Variants in RFTN1 observed in about 807,000 individuals in gnomAD.
The protein encoded by RFTN1 is raftlin.
In RFTN1, 26 loss-of-function variants were observed where a neutral mutation model predicts 46.5. That is an observed-to-expected ratio of 0.56 (90% CI 0.41 to 0.78). The LOEUF is 0.78. Ranked by LOEUF, RFTN1 falls within the 30% of genes least tolerant of loss-of-function variation. The pLI is 0.00. For synonymous variants in RFTN1, 261 were observed against 284.2 expected, an observed-to-expected ratio of 0.92 and a Z score of 0.82; for missense variants, 693 against 718.7, an observed-to-expected ratio of 0.96 and a Z score of 0.41.
chr3:16,434,130 C>T (rs73043154), intron 2 of RFTN1, 93 bp from the exon 3 acceptor site: 25,381 of 1,067,318 alleles, frequency 0.024, 367 homozygotes, highest in South Asian at 0.028. Context: ...CGGGGAGGAT[C>T]CTCTAGGTCA....
At chr3:16,326,065 T>G (rs947494320) in intron 8 of RFTN1, among the ~76,000 whole-genome samples, 1 of 152,250 alleles carries the variant, frequency 6.6e-6, no homozygotes. Flanking sequence ...CTCAGTTTCC[T>G]CATCTGCAAA....
intron 2 of RFTN1, among the ~76,000 whole-genome samples, chr3:16,467,897 G>T (rs573408128): frequency 3.3e-5 from 5 of 152,170 alleles, no homozygotes; most frequent in Admixed American, 3.3e-4. Context: ...CACCCCACTC[G>T]TGCATTTTGG....
rs1470489011 is a variant in RFTN1 at position 16,344,197 on chromosome 3, T to C, written c.1146+13735A>G. Among the ~76,000 whole-genome samples, 2 of 152,246 alleles carry C rather than the reference T, an allele frequency of 1.3e-5. No homozygotes were observed. The highest frequency in any genetic ancestry group is 4.8e-5 in the African/African-American group (2 of 41,476). ...AATACAATTTGTTGATACTTAAATG[T>C]ATTCCTATTACATTTTATTGGGCTG... On this transcript the variant is annotated intron_variant, in intron 7 of 9. Transcript: ENST00000334133. The surrounding 1 kb of genome is among the most constrained non-coding windows in gnomAD (Gnocchi z 4.4).
Position 16,481,819 on chromosome 3 carries a change from A to G in RFTN1, c.145+11906T>C, listed in dbSNP as rs1252604158. Reference sequence around the variant, plus strand: ...CAAGGAGCGATTTTCTAGGAAAGAAAAATGTTTCCCTACCCTACCGCATAT... The same window carrying G: ...CAAGGAGCGATTTTCTAGGAAAGAAGAATGTTTCCCTACCCTACCGCATAT... On this transcript the variant is annotated intron_variant, in intron 2 of 9. Coordinates refer to ENST00000334133, the MANE Select transcript of RFTN1 (RefSeq NM_015150.2). The surrounding 1 kb of genome is among the most constrained non-coding windows in gnomAD (Gnocchi z 5.1). 6.6e-6 allele frequency among the ~76,000 whole-genome samples: 1 copy of G among 152,110 alleles called. No individual in the cohort carries two copies. The highest frequency in any genetic ancestry group is 1.5e-5 in the Non-Finnish European group (1 of 68,016).
chr3:16,475,598 C>T lies in RFTN1; in HGVS notation c.145+18127G>A, dbSNP rs1437524326. 6.6e-6 allele frequency among the ~76,000 whole-genome samples: 1 copy of T among 152,192 alleles called. No individual in the cohort carries two copies. Among genetic ancestry groups the T allele is most frequent in the African/African-American group, 2.4e-5 (1 of 41,442 alleles). On this transcript the variant is annotated intron_variant, in intron 2 of 9. Coordinates refer to ENST00000334133, the MANE Select transcript of RFTN1 (RefSeq NM_015150.2). The surrounding 1 kb of genome is among the most constrained non-coding windows in gnomAD (Gnocchi z 4.2). ...TACAACAGGGGCAGAGAAGAGTATG[C>T]CTGGCACCTGGAGAGTCTCTAGAGT...
At position 16,456,803 on chromosome 3, in the gene RFTN1, G is replaced by A. The variant is rs146350997; in HGVS notation, c.146-22766C>T. Among the ~76,000 whole-genome samples, 358 of 152,230 alleles carry A rather than the reference G, an allele frequency of 2.4e-3. 4 individuals are homozygous for A. In the Middle Eastern group the frequency reaches 0.024, roughly 10 times the overall value. On this transcript the variant is annotated intron_variant, in intron 2 of 9. Coordinates refer to ENST00000334133, the MANE Select transcript of RFTN1 (RefSeq NM_015150.2). ...GTCAAAGAATAAGAGTGGAAAAGGC[G>A]AACAAAGGTCTTAGTATCATTTTGA... is the stretch of plus-strand genomic sequence containing the variant.
intron 2 of RFTN1, among the ~76,000 whole-genome samples, chr3:16,454,084 T>C (rs2124913264): frequency 6.6e-6 from 1 of 152,318 alleles, no homozygotes; most frequent in Admixed American, 6.5e-5. Context: ...AGATCTGAGC[T>C]TCCCTAGATG....
rs1438981510 is a variant in RFTN1, at chr3:16,509,495, C to G, written c.-9+3947G>C. 2.0e-5 allele frequency among the ~76,000 whole-genome samples: 3 copies of G among 152,120 alleles called. No individual in the cohort carries two copies. Among genetic ancestry groups the G allele is most frequent in the Non-Finnish European group, 4.4e-5 (3 of 68,030 alleles). On this transcript the variant is annotated intron_variant, in intron 1 of 9. Transcript: ENST00000334133. The surrounding 1 kb of genome is among the most constrained non-coding windows in gnomAD (Gnocchi z 4.9). ...TCATGAGGATTAAATTCAGATAATG[C>G]GTGCAAAATGTACAACAGTGCCTGG...
chr3:16,397,428 A>G (rs1314839269), intron 4 of RFTN1, among the ~76,000 whole-genome samples: 1 of 152,220 alleles, frequency 6.6e-6, no homozygotes, highest in African/African-American at 2.4e-5. Flanking sequence ...AATGCACAGC[A>G]TGAGGACTAC....
chr3:16,368,410 G>A (rs1404661835), intron 6 of RFTN1, among the ~76,000 whole-genome samples: 3 of 152,186 alleles, frequency 2.0e-5, no homozygotes, highest in Admixed American at 2.0e-4. Context: ...AGTGGCTCAC[G>A]CCTGTAATCC....
intron 1 of RFTN1, among the ~76,000 whole-genome samples, chr3:16,494,487 T>C (rs968578964): frequency 6.6e-6 from 1 of 152,242 alleles, no homozygotes; most frequent in African/African-American, 2.4e-5. Context: ...AATAATTTTA[T>C]ACTTCCAAGC....
At chr3:16,420,371 A>C (rs562677592) in intron 3 of RFTN1, among the ~76,000 whole-genome samples, 1 of 152,356 alleles carries the variant, frequency 6.6e-6, no homozygotes, top group Non-Finnish European at 1.5e-5. Flanking sequence ...TATCACAAAT[A>C]GAATACTGAA....
intron 1 of RFTN1, among the ~76,000 whole-genome samples, chr3:16,505,138 A>G (rs1045909785): frequency 1.3e-5 from 2 of 152,152 alleles, no homozygotes; most frequent in African/African-American, 4.8e-5. Context: ...CTTTTCCCAC[A>G]TTAACCATTT....
chr3:16,352,854 A>G lies in RFTN1; in HGVS notation c.1146+5078T>C, dbSNP rs560769070. Among the ~76,000 whole-genome samples the G allele has an allele frequency of 1.0e-3, 157 of 152,368 alleles. No homozygotes were observed. Among genetic ancestry groups the G allele is most frequent in the South Asian group, 6.6e-3 (32 of 4,830 alleles). ...TTACTTTTCACATAGTCTGTCACTC[A>G]GCTTGGAATCAGAGAGGCAGGATGC... On this transcript the variant is annotated intron_variant, in intron 7 of 9. Coordinates refer to ENST00000334133, the MANE Select transcript of RFTN1 (RefSeq NM_015150.2). This position sits in a 1 kb window ranked among gnomAD's most constrained non-coding sequence, Gnocchi z 4.6.
At chr3:16,332,145 T>G (rs1348428706) in intron 7 of RFTN1, among the ~76,000 whole-genome samples, 1 of 152,222 alleles carries the variant, frequency 6.6e-6, no homozygotes, top group African/African-American at 2.4e-5. Flanking sequence ...AATCTGAAGA[T>G]TCTTGTCCTT....
Position 16,427,303 on chromosome 3 carries a change from C to G in RFTN1, c.332+6548G>C, listed in dbSNP as rs1453360922. The stretch of plus-strand genomic sequence containing the variant: ...AAGAGTCCCCATTCAATGAGCCAGG[C>G]CACTGTAGGGATCTGAGCTTGCAAG... On this transcript the variant is annotated intron_variant, in intron 3 of 9. Coordinates refer to ENST00000334133, the MANE Select transcript of RFTN1 (RefSeq NM_015150.2). This position sits in a 1 kb window ranked among gnomAD's most constrained non-coding sequence, Gnocchi z 5.4. Among the ~76,000 whole-genome samples, 1 of 152,170 alleles carries G rather than the reference C, an allele frequency of 6.6e-6. No homozygotes were observed. Among genetic ancestry groups the G allele is most frequent in the African/African-American group, 2.4e-5 (1 of 41,434 alleles).
intron 3 of RFTN1, among the ~76,000 whole-genome samples, chr3:16,431,583 A>G (rs2075389142): frequency 6.6e-6 from 1 of 152,038 alleles, no homozygotes; most frequent in Non-Finnish European, 1.5e-5. Flanking sequence ...ATGGCAGATC[A>G]CACTGAAGGA....
At position 16,504,196 on chromosome 3, in the gene RFTN1, A is replaced by G. The variant is rs1259224752; in HGVS notation, c.-9+9246T>C. On this transcript the variant is annotated intron_variant, in intron 1 of 9. Transcript: ENST00000334133. The surrounding 1 kb of genome is among the most constrained non-coding windows in gnomAD (Gnocchi z 4.4). ...TCCAAACAACTTAATACTTATTCAC[A>G]GCCTAACAACAGCAGCCTTTCAGAA... Among the ~76,000 whole-genome samples, 1 of 152,214 alleles carries G rather than the reference A, an allele frequency of 6.6e-6. No individual in the cohort carries two copies. Among genetic ancestry groups the G allele is most frequent in the African/African-American group, 2.4e-5 (1 of 41,442 alleles).
In RFTN1 at chr3:16,391,881, TGTTTTTTTTTTTG is replaced by T. The variant is rs749747882; in HGVS notation, c.442-13792_442-13780del. The stretch of plus-strand genomic sequence containing the variant: ...AGGTTTTTTTTTTGTTTTTTTTTTT[TGTTTTTTTTTTTG>T]TTTTTTTTACGGGGAAGAAAGCTAA... On this transcript the variant is annotated intron_variant, in intron 4 of 9. Transcript: ENST00000334133. Among the ~76,000 whole-genome samples the T allele has an allele frequency of 5.8e-3, 197 of 33,724 alleles. 42 individuals are homozygous for T. The highest frequency in any genetic ancestry group is 0.026 in the South Asian group (39 of 1,498). 22.1% of individuals were successfully genotyped at this position (33,724 alleles called of 152,430 possible).
Sources: gnomAD v4.1 joint callset for allele counts (sites outside exome capture counted in the v4.1 genomes callset) on GRCh38, gnomAD v4.1.1 for gene constraint, Gnocchi (gnomAD v3.1) non-coding constraint, MANE v1.5 for transcripts, NCBI Gene and HGNC (gene_info 2026-07-23, HGNC 2026-07-21) for gene names.